Variants in PACRGL observed in about 807,000 individuals in gnomAD.
PACRGL encodes parkin coregulated like, also known as PACRG-like protein.
PACRGL carries 38 observed loss-of-function variants against 34.5 expected under a neutral mutation model. The ratio of observed to expected loss-of-function variants is 1.10; its 90% CI spans 0.85 to 1.44. The LOEUF is 1.44. Among genes scored for constraint, PACRGL ranks in the 40% most tolerant of loss-of-function variants. The probability of loss-of-function intolerance (pLI) is 0.00; values close to 1 mark genes in which losing one functional copy is unlikely to be tolerated. For missense variants in PACRGL, 305 were observed against 281.4 expected, an observed-to-expected ratio of 1.08 and a Z score of -0.60; for synonymous variants, 128 against 100.1, an observed-to-expected ratio of 1.28 and a Z score of -1.66.
At chr4:20,755,233 TA>T (rs1285431819), downstream of PACRGL, among the ~76,000 whole-genome samples, 2 of 152,300 alleles carry the variant, frequency 1.3e-5, no homozygotes, top group African/African-American at 2.4e-5. Context: ...TTAATTCTTT[TA>T]AAAGTCCACC....
intron 7 of PACRGL, among the ~76,000 whole-genome samples, 181 bp downstream of exon 7, chr4:20,713,720 G>T (rs1738455505): frequency 6.6e-6 from 1 of 152,110 alleles, no homozygotes; most frequent in Non-Finnish European, 1.5e-5. Context: ...TGGTTTCAAA[G>T]AACATCTTTA....
rs942670434 is a variant in PACRGL at position 20,707,879 on chromosome 4, A to C, written c.275+9A>C. 1 of 1,599,196 alleles carries C rather than the reference A, an allele frequency of 6.3e-7. No individual in the cohort carries two copies. The highest frequency in any genetic ancestry group is 8.6e-7 in the Non-Finnish European group (1 of 1,166,876). ...GGAGGTATTCCTTGCAGGTAAAATC[A>C]ATATGATTTATAACTGACCAAATTA... On this transcript the variant is annotated intron_variant, in intron 4 of 8. Transcript: ENST00000503585.
intron 8 of PACRGL, chr4:20,749,604 C>T: frequency 8.5e-7 from 1 of 1,181,972 alleles, no homozygotes. Context: ...TCACATTTTC[C>T]CCCTAAAAAG....
Position 20,713,543 on chromosome 4 carries a change from A to G in PACRGL, c.609+4A>G. The G allele has an allele frequency of 2.5e-6, 4 of 1,588,226 alleles. No individual in the cohort carries two copies. The highest frequency in any genetic ancestry group is 3.5e-6 in the Non-Finnish European group (4 of 1,156,928). The stretch of plus-strand genomic sequence containing the variant: ...TCTGAAGCATCTGCTTACAAGCGTA[A>G]GTACTGCAAAGATTAGATAATGATT... On this transcript the variant is annotated splice_donor_region_variant and intron_variant, in intron 7 of 8. Coordinates refer to ENST00000503585, the MANE Select transcript of PACRGL (RefSeq NM_001258345.3).
At chr4:20,738,626 C>G (rs1472163051) in intron 8 of PACRGL, among the ~76,000 whole-genome samples, 1 of 152,182 alleles carries the variant, frequency 6.6e-6, no homozygotes, top group Non-Finnish European at 1.5e-5. Context: ...GGGAATCCCC[C>G]CAAGATGGCT....
the PACRGL span, among the ~76,000 whole-genome samples, chr4:20,766,038 GTGA>G: frequency 1.3e-5 from 2 of 152,138 alleles, no homozygotes; most frequent in African/African-American, 4.8e-5. Flanking sequence ...AATTATTAAT[GTGA>G]TGATGACAAT....
In PACRGL at chr4:20,729,999, CTA is replaced by C. The variant is rs1747564690; in HGVS notation, c.*2660_*2661del. On this transcript the variant is annotated 3_prime_UTR_variant, in exon 9 of 9. Coordinates refer to ENST00000503585, the MANE Select transcript of PACRGL (RefSeq NM_001258345.3). ...ATGCTTCAGTGTCAAGCTGAGCAATCTATGCTAAAAGTGGTAGCTCCAACTTT... is the reference window on the plus strand; with the variant it reads ...ATGCTTCAGTGTCAAGCTGAGCAATCTGCTAAAAGTGGTAGCTCCAACTTT... 17 of 1,473,518 alleles carry C rather than the reference CTA, an allele frequency of 1.2e-5. No individual in the cohort carries two copies. The highest frequency in any genetic ancestry group is 1.5e-5 in the Non-Finnish European group (17 of 1,098,320). The allele number at this position is 1,473,518 out of a possible 1,614,324, so 91.3% of individuals were successfully genotyped here. A position where few individuals can be genotyped will look rare whatever the true frequency, so the allele number is the denominator to read the frequency against.
intron 8 of PACRGL, among the ~76,000 whole-genome samples, chr4:20,748,435 A>T (rs1204176015): frequency 1.3e-5 from 2 of 151,786 alleles, no homozygotes; most frequent in Non-Finnish European, 2.9e-5. Context: ...CTTTTGTGCC[A>T]GTACCATTTC....
downstream of PACRGL, among the ~76,000 whole-genome samples, chr4:20,757,385 A>G (rs1266102297): frequency 6.6e-6 from 1 of 152,198 alleles, no homozygotes; most frequent in African/African-American, 2.4e-5. Context: ...TATCAGTGAA[A>G]TGTATCCCAA....
downstream of PACRGL, among the ~76,000 whole-genome samples, chr4:20,736,943 G>A (rs1749759753): frequency 6.6e-6 from 1 of 152,150 alleles, no homozygotes. Flanking sequence ...GTGTGGTACT[G>A]GCATAAAGAC....
At chr4:20,711,951 ATTTAT>A (rs1157353435) in intron 5 of PACRGL, among the ~76,000 whole-genome samples, 2 of 152,160 alleles carry the variant, frequency 1.3e-5, no homozygotes, top group African/African-American at 4.8e-5. Context: ...TATGAAGGAA[ATTTAT>A]TTTAGGAACT....
downstream of PACRGL, among the ~76,000 whole-genome samples, chr4:20,733,337 TTTG>T (rs1483272130): frequency 3.3e-5 from 5 of 152,166 alleles, no homozygotes; most frequent in African/African-American, 9.7e-5. Flanking sequence ...ACCTTTAAAT[TTTG>T]TTATTAACTT....
chr4:20,704,267 A>T (rs1733553381), intron 1 of PACRGL, among the ~76,000 whole-genome samples, 199 bp from the exon 2 acceptor site: 1 of 152,072 alleles, frequency 6.6e-6, no homozygotes, highest in Non-Finnish European at 1.5e-5. Flanking sequence ...GGAGATGATT[A>T]TTTTGCTGTT....
rs749006697 is a variant in PACRGL at position 20,728,504 on chromosome 4, T to C, written c.*1163T>C. Reference sequence around the variant, plus strand: ...CCTGCTGGCCTTGCTTTTACCTGTTTTCATTGCATTGAGCACCATCCAGAG... The same window carrying C: ...CCTGCTGGCCTTGCTTTTACCTGTTCTCATTGCATTGAGCACCATCCAGAG... On this transcript the variant is annotated 3_prime_UTR_variant, in exon 9 of 9. Transcript: ENST00000503585. The C allele has an allele frequency of 3.9e-5, 6 of 152,292 alleles. No homozygotes were observed. Among genetic ancestry groups the C allele is most frequent in the Non-Finnish European group, 8.8e-5 (6 of 68,044 alleles). The allele number at this position is 152,292 out of a possible 1,614,324, so 9.4% of individuals were successfully genotyped here.
chr4:20,761,590 A>C, the PACRGL span, among the ~76,000 whole-genome samples: 1 of 152,188 alleles, frequency 6.6e-6, no homozygotes, highest in African/African-American at 2.4e-5. Context: ...AAGCTTGTGC[A>C]AAGTTAGAGC....
intron 8 of PACRGL, among the ~76,000 whole-genome samples, chr4:20,749,187 A>G (rs917984557): frequency 8.1e-6 from 1 of 123,564 alleles, no homozygotes; most frequent in Non-Finnish European, 1.8e-5. Context: ...TTCTCTACAG[A>G]TCACTTAAAG....
the PACRGL span, among the ~76,000 whole-genome samples, chr4:20,765,296 CAT>C: frequency 3.9e-5 from 6 of 152,086 alleles, no homozygotes; most frequent in Non-Finnish European, 7.4e-5. Flanking sequence ...GGACTGAAAA[CAT>C]AGTCTCCTGG....
At chr4:20,762,293 T>C in the PACRGL span, among the ~76,000 whole-genome samples, 1 of 152,114 alleles carries the variant, frequency 6.6e-6, no homozygotes. Flanking sequence ...GATCTAATCA[T>C]CTCCCAAAGG....
At chr4:20,753,572 CTTT>C (rs911802535), downstream of PACRGL, among the ~76,000 whole-genome samples, 13 of 152,130 alleles carry the variant, frequency 8.5e-5, no homozygotes, top group Admixed American at 8.5e-4. Flanking sequence ...TGGTTTATTT[CTTT>C]TTCCTTTCCC....
Sources: allele counts gnomAD v4.1 joint callset (sites outside exome capture counted in the v4.1 genomes callset), GRCh38; gene constraint gnomAD v4.1.1; transcripts MANE v1.5; gene names NCBI Gene and HGNC (gene_info 2026-07-23, HGNC 2026-07-21).